KIAA1217: variants seen among roughly 807,000 people sequenced by gnomAD.
KIAA1217 encodes the protein KIAA1217.
Under a neutral mutation model 163.9 loss-of-function variants are expected in KIAA1217, and 88 were observed. The ratio of observed to expected loss-of-function variants is 0.54; its 90% CI spans 0.45 to 0.64. The LOEUF (loss-of-function observed/expected upper bound fraction) is 0.64. Ranked by LOEUF, KIAA1217 falls within the 30% of genes least tolerant of loss-of-function variation. The pLI, the probability that KIAA1217 is intolerant of heterozygous loss-of-function variation, is 0.00. For missense variants in KIAA1217, 2,372 were observed against 2,475.0 expected (o/e 0.96, Z 0.88); for synonymous variants, 903 against 923.1 (o/e 0.98, Z 0.39).
chr10:24,309,331 GGCGC>G (rs1259833450), intron 2 of KIAA1217, among the ~76,000 whole-genome samples: 3 of 126,140 alleles, frequency 2.4e-5, no homozygotes, highest in African/African-American at 3.5e-5. Context: ...ATGACAAATA[GGCGC>G]GCGCACGCGC....
intron 1 of KIAA1217, among the ~76,000 whole-genome samples, chr10:23,804,105 G>T (rs947874537): frequency 2.6e-5 from 4 of 152,126 alleles, no homozygotes; most frequent in African/African-American, 4.8e-5. Flanking sequence ...GACATGGATT[G>T]TTGTTGTTAT....
chr10:24,249,086 A>C (rs1319654708), intron 2 of KIAA1217, among the ~76,000 whole-genome samples: 2 of 152,216 alleles, frequency 1.3e-5, no homozygotes, highest in Non-Finnish European at 2.9e-5. Context: ...TCTTAGCACA[A>C]ATCAGTACCT....
At chr10:23,887,125 C>T (rs1265714264) in intron 1 of KIAA1217, among the ~76,000 whole-genome samples, 92 of 151,982 alleles carry the variant, frequency 6.1e-4, no homozygotes, top group African/African-American at 2.1e-3. Context: ...ATCTTTGGAA[C>T]ATCATTTAGT....
intron 8 of KIAA1217, among the ~76,000 whole-genome samples, chr10:24,496,802 T>C (rs2066840804): frequency 1.3e-5 from 2 of 152,244 alleles, no homozygotes. Context: ...GTTGTTTCAT[T>C]TCTTTGTTCT....
intron 2 of KIAA1217, among the ~76,000 whole-genome samples, chr10:24,035,640 A>G (rs1461220750): frequency 6.6e-6 from 1 of 152,172 alleles, no homozygotes; most frequent in Admixed American, 6.5e-5. Context: ...TGGTCACGTG[A>G]GGTTCTTCTT....
At chr10:24,424,902 C>T (rs1436038254) in intron 3 of KIAA1217, among the ~76,000 whole-genome samples, 1 of 152,166 alleles carries the variant, frequency 6.6e-6, no homozygotes, top group Non-Finnish European at 1.5e-5. Context: ...CGCCCGGCCT[C>T]TTTTTAGTTT....
chr10:24,139,483 T>C (rs937361298), intron 2 of KIAA1217, among the ~76,000 whole-genome samples: 2 of 152,166 alleles, frequency 1.3e-5, no homozygotes, highest in African/African-American at 4.8e-5. Flanking sequence ...CTTTCTATTA[T>C]ATCTCAATAT....
intron 1 of KIAA1217, among the ~76,000 whole-genome samples, chr10:23,976,921 G>C (rs1022268200): frequency 6.6e-6 from 1 of 152,152 alleles, no homozygotes. Flanking sequence ...AAGGAGCAGA[G>C]GAGCAAAGTC....
chr10:24,266,602 A>T (rs1432675584), intron 2 of KIAA1217, among the ~76,000 whole-genome samples: 4 of 152,018 alleles, frequency 2.6e-5, no homozygotes, highest in Non-Finnish European at 4.4e-5. Context: ...GTAGCTAGCA[A>T]GAGGATGGTA....
intron 2 of KIAA1217, among the ~76,000 whole-genome samples, chr10:24,072,675 G>A (rs1323392510): frequency 6.6e-6 from 1 of 152,158 alleles, no homozygotes; most frequent in Non-Finnish European, 1.5e-5. Flanking sequence ...CACCACAGAT[G>A]CCTAGGCTAT....
intron 2 of KIAA1217, among the ~76,000 whole-genome samples, chr10:24,086,977 T>G (rs1283107472): frequency 6.6e-6 from 1 of 152,222 alleles, no homozygotes; most frequent in Admixed American, 6.5e-5. Flanking sequence ...GCAGATGACA[T>G]GGCCTTAGGT....
At chr10:24,254,521 G>A (rs1029330932) in intron 2 of KIAA1217, among the ~76,000 whole-genome samples, 3 of 152,172 alleles carry the variant, frequency 2.0e-5, no homozygotes. Flanking sequence ...ATGTCCTCTG[G>A]GTGGTTCCTA....
rs116927066 is a variant in KIAA1217, at chr10:24,219,238, C to T, written c.71-388C>T. On this transcript the variant is annotated intron_variant, in intron 1 of 20. Transcript: ENST00000376454. The stretch of plus-strand genomic sequence containing the variant: ...AAGCAGTTGTCTTGCCTCAGCCTCC[C>T]GAGAAGCTGGGACCACAGGCGTGCA... Among the ~76,000 whole-genome samples, 8 of 152,196 alleles carry T rather than the reference C, an allele frequency of 5.3e-5. No homozygotes were observed. The East Asian group carries it at 5.8e-4, about 11-fold the overall frequency.
chr10:24,005,530 T>G (rs899100107), intron 1 of KIAA1217, among the ~76,000 whole-genome samples: 1 of 152,212 alleles, frequency 6.6e-6, no homozygotes, highest in Non-Finnish European at 1.5e-5. Flanking sequence ...GAAGTCACAC[T>G]GACCTGGGTT....
intron 2 of KIAA1217, among the ~76,000 whole-genome samples, chr10:24,175,902 G>A (rs757976117): frequency 1.3e-5 from 2 of 152,142 alleles, no homozygotes; most frequent in Non-Finnish European, 2.9e-5. Context: ...CACCATGAGT[G>A]TTACAGCTCA....
At chr10:23,816,837 G>A (rs974970511) in intron 1 of KIAA1217, among the ~76,000 whole-genome samples, 15 of 152,122 alleles carry the variant, frequency 9.9e-5, no homozygotes, top group African/African-American at 9.7e-5. Context: ...GGTGGAAATC[G>A]GCCTTTGGGC....
chr10:24,142,275 T>A (rs995266889), intron 2 of KIAA1217, among the ~76,000 whole-genome samples: 22 of 152,338 alleles, frequency 1.4e-4, no homozygotes, highest in Admixed American at 3.9e-4. Context: ...GAATCGAGTA[T>A]CAATTTAAGT....
intron 1 of KIAA1217, among the ~76,000 whole-genome samples, chr10:24,213,574 C>CCTCT (rs35449915): frequency 0.58 from 87,682 of 151,412 alleles, 25,622 homozygotes; most frequent in African/African-American, 0.67. Flanking sequence ...TTGTGGTTGG[C>CCTCT]CTATTTCAAA....
chr10:24,522,915 C>T (rs919937774), intron 12 of KIAA1217, among the ~76,000 whole-genome samples: 6 of 152,142 alleles, frequency 3.9e-5, no homozygotes, highest in Non-Finnish European at 8.8e-5. Flanking sequence ...GTGGAGGCTA[C>T]AGTGAGCCGA....
Sources: allele counts gnomAD v4.1 joint callset (sites outside exome capture counted in the v4.1 genomes callset), GRCh38; gene constraint gnomAD v4.1.1; transcripts MANE v1.5; gene names NCBI Gene and HGNC (gene_info 2026-07-23, HGNC 2026-07-21).